Variants in SIM2 observed in about 807,000 individuals in gnomAD.
The protein encoded by SIM2 is single-minded homolog 2.
SIM2 carries 28 observed loss-of-function variants against 64.8 expected under a neutral mutation model. The ratio of observed to expected loss-of-function variants is 0.43; its 90% CI spans 0.32 to 0.59. The LOEUF (loss-of-function observed/expected upper bound fraction) is 0.59. Ranked by LOEUF, SIM2 falls within the 20% of genes least tolerant of loss-of-function variation. SIM2 has a pLI of 0.07. For missense variants in SIM2, 847 were observed against 871.4 expected (o/e 0.97, Z 0.35); for synonymous variants, 408 against 391.1 (o/e 1.04, Z -0.51).
intron 6 of SIM2, 104 bp from the exon 7 acceptor site, chr21:36,730,941 G>T (rs987831332): frequency 6.4e-6 from 5 of 780,874 alleles, no homozygotes; most frequent in Non-Finnish European, 1.1e-5. Context: ...AACATTTCCC[G>T]CCTGAGCCTT....
rs1460746328 is a variant in SIM2, at chr21:36,699,959, C to G, written c.175+38C>G. ...GTGGGCGGCCGGGGACGCTGGGGAGCCCGGCGGCCCCGGCCCAGGCGGGAA... is the reference window on the plus strand; with the variant it reads ...GTGGGCGGCCGGGGACGCTGGGGAGGCCGGCGGCCCCGGCCCAGGCGGGAA... On this transcript the variant is annotated intron_variant, in intron 1 of 10. Transcript: ENST00000290399. The surrounding 1 kb of genome is among the most constrained non-coding windows in gnomAD (Gnocchi z 5.6). 2.0e-6 allele frequency: 3 copies of G among 1,531,874 alleles called. No homozygotes were observed. Among genetic ancestry groups the G allele is most frequent in the Non-Finnish European group, 2.6e-6 (3 of 1,144,402 alleles). The allele number at this position is 1,531,874 out of a possible 1,614,324, so 94.9% of individuals were successfully genotyped here.
chr21:36,708,586 C>A (rs1457225552), intron 1 of SIM2, among the ~76,000 whole-genome samples: 1 of 152,142 alleles, frequency 6.6e-6, no homozygotes, highest in Non-Finnish European at 1.5e-5. Context: ...GAAGGAGGAC[C>A]GCGCTCGTGG....
chr21:36,737,984 C>CAAAAAAAAAAAAAAAAAAAAAAAAAAAAA (rs71326699), intron 7 of SIM2, among the ~76,000 whole-genome samples: 2 of 90,244 alleles, frequency 2.2e-5, no homozygotes, highest in Non-Finnish European at 4.2e-5. Context: ...AAAAAAAAAG[C>CAAAAAAAAAAAAAAAAAAAAAAAAAAAAA]AAAAAAAAAG....
chr21:36,748,031 C>T lies in SIM2; in HGVS notation c.1943C>T (p.Pro648Leu), dbSNP rs1240456842. ...CACCCGAGCCCCGCCGCCACCTCCC[C>T]GCCCGGCGCGCCCCTGCCGCACTAC... is the stretch of plus-strand genomic sequence containing the variant. ...LRHPSPAATSPPGAPLPHYLG... is the reference protein window; with the variant it reads ...LRHPSPAATSLPGAPLPHYLG... Residue 648 changes from proline to leucine, a missense_variant, in exon 11 of 11, where the codon CCG becomes CTG. By Grantham distance (98) the Pro-to-Leu change is moderately conservative. Transcript: ENST00000290399. 2.5e-6 allele frequency: 3 copies of T among 1,186,980 alleles called. No individual in the cohort carries two copies. The highest frequency in any genetic ancestry group is 3.6e-5 in the East Asian group (1 of 28,004). The allele number at this position is 1,186,980 out of a possible 1,614,324, so 73.5% of individuals were successfully genotyped here. A position where few individuals can be genotyped will look rare whatever the true frequency, so the allele number is the denominator to read the frequency against.
chr21:36,731,330 G>C (rs929035264), intron 7 of SIM2, among the ~76,000 whole-genome samples, 179 bp downstream of exon 7: 1 of 150,936 alleles, frequency 6.6e-6, no homozygotes, highest in Admixed American at 6.6e-5. Context: ...GCCTGTTGTC[G>C]GTTCTCAAGC....
chr21:36,734,402 A>G (rs556829825), intron 7 of SIM2, among the ~76,000 whole-genome samples: 1 of 152,354 alleles, frequency 6.6e-6, no homozygotes, highest in South Asian at 2.1e-4. Context: ...TTTCTTTTCC[A>G]AATGAGCCAG....
rs967925548 is a variant in SIM2, at chr21:36,710,410, C to G, written c.258+1160C>G. The G allele has an allele frequency of 5.3e-5, 8 of 152,268 alleles. 1 individual carries two copies. Among genetic ancestry groups the G allele is most frequent in the African/African-American group, 1.9e-4 (8 of 41,454 alleles). 9.4% of individuals were successfully genotyped at this position (152,268 alleles called of 1,614,324 possible). A position where few individuals can be genotyped will look rare whatever the true frequency, so the allele number is the denominator to read the frequency against. On this transcript the variant is annotated intron_variant, in intron 2 of 10. Coordinates refer to ENST00000290399, the MANE Select transcript of SIM2 (RefSeq NM_005069.6). The stretch of plus-strand genomic sequence containing the variant: ...CGGGTCGGCCGGGTAGCCCTGAGCA[C>G]AGCTCGCCACTTCCAGGTGGGCTGT...
intron 7 of SIM2, among the ~76,000 whole-genome samples, chr21:36,740,068 C>A: frequency 7.0e-6 from 1 of 143,196 alleles, no homozygotes; most frequent in African/African-American, 2.7e-5. Flanking sequence ...AGAGAAAATG[C>A]CACTCACCAT....
intron 2 of SIM2, 117 bp downstream of exon 2, chr21:36,709,367 G>A (rs918962804): frequency 5.8e-6 from 5 of 867,426 alleles, no homozygotes; most frequent in Non-Finnish European, 7.4e-6. Context: ...GAGGCTGCCG[G>A]GGGCTGGGGA....
intron 9 of SIM2, 61 bp from the exon 10 acceptor site, chr21:36,744,667 C>G (rs1005342548): frequency 3.3e-6 from 5 of 1,504,210 alleles, no homozygotes; most frequent in Non-Finnish European, 4.4e-6. Flanking sequence ...TCTTGCAGGG[C>G]CGGAAGGCAG....
At position 36,726,135 on chromosome 21, in the gene SIM2, G is replaced by T; in HGVS notation, c.560G>T (p.Gly187Val). The change falls in exon 6 of 11, where the codon GGC becomes GTC. Residue 187 changes from glycine to valine, a missense_variant. Physicochemically the swap from Gly to Val is moderately radical, Grantham distance 109. Around this residue, in one of 3 missense-constraint regions of SIM2, gnomAD observed 397 missense variants for 439.2 expected, o/e 0.90. Transcript: ENST00000290399. The surrounding 1 kb of genome is among the most constrained non-coding windows in gnomAD (Gnocchi z 4.5). ...CACTCCCAGGTCATCCACTGCAGTGGCTACTTGAAGATCAGGCAGTATATG... is the reference window on the plus strand; with the variant it reads ...CACTCCCAGGTCATCCACTGCAGTGTCTACTTGAAGATCAGGCAGTATATG... ...CSGYKVIHCS[G>V]YLKIRQYMLD... 2 of 1,613,702 alleles carry T rather than the reference G, an allele frequency of 1.2e-6. No homozygotes were observed. The highest frequency in any genetic ancestry group is 2.2e-5 in the East Asian group (1 of 44,896).
Position 36,723,081 on chromosome 21 carries a change from A to G in SIM2, c.494A>G (p.Lys165Arg), listed in dbSNP as rs201182592. 6 of 1,614,024 alleles carry G rather than the reference A, an allele frequency of 3.7e-6. No individual in the cohort carries two copies. Among genetic ancestry groups the G allele is most frequent in the Non-Finnish European group, 5.1e-6 (6 of 1,180,034 alleles). ...GAGAGGTCGTTCTTTCTTCGAATGA[A>G]ATGTGTCTTGGCGAAAAGGAACGCG... ...EIERSFFLRM[K>R]CVLAKRNAGL... Residue 165 changes from lysine to arginine, a missense_variant, in exon 5 of 11, where the codon AAA becomes AGA. By Grantham distance (26) the Lys-to-Arg change is conservative (BLOSUM62 2). Around this residue, in one of 3 missense-constraint regions of SIM2, gnomAD observed 397 missense variants for 439.2 expected, o/e 0.90. Coordinates refer to ENST00000290399, the MANE Select transcript of SIM2 (RefSeq NM_005069.6).
Position 36,747,550 on chromosome 21 carries a change from C to A in SIM2, c.1577-115C>A. On this transcript the variant is annotated intron_variant, in intron 10 of 10. Transcript: ENST00000290399. This position sits in a 1 kb window ranked among gnomAD's most constrained non-coding sequence, Gnocchi z 4.5. ...TAAGGCGGGGGAGGGCGACAGCGAC[C>A]CCGCGGGTGCAGCGCGTGGGCGGCC... 1.5e-6 allele frequency: 1 copy of A among 669,818 alleles called. No individual in the cohort carries two copies. The highest frequency in any genetic ancestry group is 2.0e-6 in the Non-Finnish European group (1 of 506,324). The allele number at this position is 669,818 out of a possible 1,614,324, so 41.5% of individuals were successfully genotyped here. A position where few individuals can be genotyped will look rare whatever the true frequency, so the allele number is the denominator to read the frequency against.
At position 36,726,069 on chromosome 21, in the gene SIM2, C is replaced by T. The variant is rs1182676672; in HGVS notation, c.544-50C>T. 1 of 1,505,870 alleles carries T rather than the reference C, an allele frequency of 6.6e-7. No homozygotes were observed. Among genetic ancestry groups the T allele is most frequent in the African/African-American group, 1.4e-5 (1 of 73,050 alleles). The allele number at this position is 1,505,870 out of a possible 1,614,324, so 93.3% of individuals were successfully genotyped here. On this transcript the variant is annotated intron_variant, in intron 5 of 10. Transcript: ENST00000290399. The surrounding 1 kb of genome is among the most constrained non-coding windows in gnomAD (Gnocchi z 4.5). Reference sequence around the variant, plus strand: ...GAAAATGAGCCAGGAGGAGTGGGCTCCAGCCCAACCCCAGTGGCCAGTGGC... The same window carrying T: ...GAAAATGAGCCAGGAGGAGTGGGCTTCAGCCCAACCCCAGTGGCCAGTGGC...
chr21:36,725,524 A>T (rs144685565), intron 5 of SIM2, among the ~76,000 whole-genome samples: 2 of 152,200 alleles, frequency 1.3e-5, no homozygotes, highest in Non-Finnish European at 2.9e-5. Flanking sequence ...ACAGCTTGGC[A>T]GTGAGCTCAT....
intron 3 of SIM2, 87 bp from the exon 4 acceptor site, chr21:36,719,734 G>A: frequency 2.6e-6 from 2 of 768,728 alleles, no homozygotes; most frequent in South Asian, 1.4e-5. Context: ...TTCCTGGCAG[G>A]GTGAGCACCT....
chr21:36,712,411 T>G (rs534456018), intron 2 of SIM2, 122 bp from the exon 3 acceptor site: 4 of 665,866 alleles, frequency 6.0e-6, no homozygotes, highest in Non-Finnish European at 1.0e-5. Flanking sequence ...ATTTTTGCAT[T>G]TAGCAAGTAT....
At chr21:36,744,522 G>A (rs1450315930) in intron 9 of SIM2, among the ~76,000 whole-genome samples, 1 of 152,198 alleles carries the variant, frequency 6.6e-6, no homozygotes, top group East Asian at 1.9e-4. Flanking sequence ...GTTAGCTTGG[G>A]GTGGGGGATC....
intron 7 of SIM2, among the ~76,000 whole-genome samples, chr21:36,731,680 C>T (rs2088970505): frequency 2.0e-5 from 3 of 152,228 alleles, no homozygotes; most frequent in African/African-American, 2.4e-5. Context: ...GCCCTGCCTC[C>T]GACTGCTATA....
Sources: allele counts gnomAD v4.1 joint callset (sites outside exome capture counted in the v4.1 genomes callset), GRCh38; gene constraint gnomAD v4.1.1; regional missense constraint gnomAD v4.1.1; non-coding constraint Gnocchi (gnomAD v3.1); transcripts MANE v1.5; gene names NCBI Gene and HGNC (gene_info 2026-07-23, HGNC 2026-07-21).